Variants in CSMD2 observed in about 807,000 individuals in gnomAD.
The protein encoded by CSMD2 is CUB and sushi domain-containing protein 2.
In CSMD2, 130 loss-of-function variants were observed where a neutral mutation model predicts 398.5. The ratio of observed to expected loss-of-function variants is 0.33; its 90% CI spans 0.28 to 0.38. The LOEUF is 0.38. CSMD2 is among the 10% of genes least tolerant of loss of function. The pLI is 1.00. For missense variants in CSMD2, 3,829 were observed against 4,764.9 expected (o/e 0.80, Z 5.78); for synonymous variants, 1,828 against 1,908.5 (o/e 0.96, Z 1.10).
At chr1:33,816,688 A>C (rs567948807) in intron 9 of CSMD2, among the ~76,000 whole-genome samples, 1 of 152,276 alleles carries the variant, frequency 6.6e-6, no homozygotes, top group African/African-American at 2.4e-5. Context: ...ATTTTCTAGG[A>C]GTCAAATTAG....
intron 5 of CSMD2, among the ~76,000 whole-genome samples, chr1:33,915,103 AT>A (rs1003714831): frequency 8.7e-5 from 13 of 150,136 alleles, no homozygotes; most frequent in East Asian, 3.9e-4. Flanking sequence ...GAGGTAGTGG[AT>A]TTTTTTTTTC....
chr1:33,683,902 C>G (rs1477789802), intron 25 of CSMD2, among the ~76,000 whole-genome samples: 1 of 152,220 alleles, frequency 6.6e-6, no homozygotes, highest in Non-Finnish European at 1.5e-5. Flanking sequence ...GTACACGAAC[C>G]TTCTCTGTTT....
intron 25 of CSMD2, among the ~76,000 whole-genome samples, chr1:33,690,789 T>G (rs781666797): frequency 6.6e-6 from 1 of 152,196 alleles, no homozygotes; most frequent in Non-Finnish European, 1.5e-5. Flanking sequence ...TTGACACTTG[T>G]TGAGCCGGGG....
At chr1:33,693,773 G>A (rs1645322617) in intron 24 of CSMD2, among the ~76,000 whole-genome samples, 1 of 152,138 alleles carries the variant, frequency 6.6e-6, no homozygotes, top group South Asian at 2.1e-4. Flanking sequence ...AAGGAATCAA[G>A]GCGGCCGGGC....
At position 33,908,650 on chromosome 1, in the gene CSMD2, T is replaced by C. The variant is rs572925878; in HGVS notation, c.920+9444A>G. Among the ~76,000 whole-genome samples, 6 of 152,346 alleles carry C rather than the reference T, an allele frequency of 3.9e-5. No individual in the cohort carries two copies. The South Asian group carries it at 1.0e-3, about 26-fold the overall frequency. Reference sequence around the variant, plus strand: ...ACAACACCAGTTCACTTCCTGCTCCTCCCAGCTGTGACTTTTGTTCTCTTT... The same window carrying C: ...ACAACACCAGTTCACTTCCTGCTCCCCCCAGCTGTGACTTTTGTTCTCTTT... On this transcript the variant is annotated intron_variant, in intron 5 of 70. Transcript: ENST00000373381.
At chr1:34,028,817 C>T (rs544724184) in intron 3 of CSMD2, among the ~76,000 whole-genome samples, 11 of 152,334 alleles carry the variant, frequency 7.2e-5, no homozygotes, top group African/African-American at 2.2e-4. Flanking sequence ...CTGCGGCCCA[C>T]GCTCTTGCCC....
intron 2 of CSMD2, among the ~76,000 whole-genome samples, chr1:34,045,538 C>T (rs971155246): frequency 6.6e-6 from 1 of 152,202 alleles, no homozygotes; most frequent in African/African-American, 2.4e-5. Context: ...CTCTGCAAAC[C>T]TCTGCTTTCA....
At position 33,635,935 on chromosome 1, in the gene CSMD2, G is replaced by C. The variant is rs1224862118; in HGVS notation, c.4969+425C>G. ...ATACTCATTCCTATCTCTCTTGTCA[G>C]GACCCCCATGGCTCACCCAGACCCA... is the stretch of plus-strand genomic sequence containing the variant. On this transcript the variant is annotated intron_variant, in intron 30 of 70. Coordinates refer to ENST00000373381, the MANE Select transcript of CSMD2 (RefSeq NM_001281956.2). This position sits in a 1 kb window ranked among gnomAD's most constrained non-coding sequence, Gnocchi z 5.0. Among the ~76,000 whole-genome samples, 3 of 152,088 alleles carry C rather than the reference G, an allele frequency of 2.0e-5. No individual in the cohort carries two copies. The highest frequency in any genetic ancestry group is 2.4e-5 in the African/African-American group (1 of 41,420).
chr1:34,032,895 G>T (rs1416530544), intron 2 of CSMD2, among the ~76,000 whole-genome samples, 189 bp from the exon 3 acceptor site: 1 of 152,328 alleles, frequency 6.6e-6, no homozygotes, highest in South Asian at 2.1e-4. Flanking sequence ...ATGAGGAAGT[G>T]ACTCCGCCAA....
At chr1:33,795,341 T>G (rs1212872663) in intron 10 of CSMD2, among the ~76,000 whole-genome samples, 3 of 152,182 alleles carry the variant, frequency 2.0e-5, no homozygotes, top group Non-Finnish European at 4.4e-5. Flanking sequence ...GGCATCATCA[T>G]GGGATCATTT....
chr1:33,862,998 C>T (rs1639662022), intron 5 of CSMD2: 1 of 152,198 alleles, frequency 6.6e-6, no homozygotes, highest in South Asian at 2.1e-4. Flanking sequence ...GCCCTGGCAA[C>T]AGCTCTGTGC....
intron 5 of CSMD2, among the ~76,000 whole-genome samples, chr1:33,856,640 T>A (rs1179072252): frequency 6.6e-6 from 1 of 152,092 alleles, no homozygotes; most frequent in Admixed American, 6.6e-5. Context: ...ATCATGTATG[T>A]CCCTTCCCCT....
At chr1:34,105,483 C>T (rs1386715382) in intron 1 of CSMD2, among the ~76,000 whole-genome samples, 20 of 152,160 alleles carry the variant, frequency 1.3e-4, no homozygotes, top group Non-Finnish European at 2.2e-4. Flanking sequence ...GGAAGCTAAC[C>T]TTCTGCCGTT....
chr1:33,520,521 C>T (rs987330661), intron 68 of CSMD2, among the ~76,000 whole-genome samples: 1 of 152,154 alleles, frequency 6.6e-6, no homozygotes, highest in African/African-American at 2.4e-5. Context: ...GCTGTGGAGC[C>T]AGAACAAAAA....
At chr1:34,019,077 A>T (rs1648531785) in intron 3 of CSMD2, among the ~76,000 whole-genome samples, 1 of 152,190 alleles carries the variant, frequency 6.6e-6, no homozygotes, top group Non-Finnish European at 1.5e-5. Context: ...TCAGTGCCTC[A>T]TCTGTAAAAT....
chr1:33,701,303 G>T (rs1379541848), intron 22 of CSMD2, among the ~76,000 whole-genome samples: 1 of 152,168 alleles, frequency 6.6e-6, no homozygotes, highest in Non-Finnish European at 1.5e-5. Context: ...GCTTGCCAAG[G>T]GTGGAATCGT....
intron 1 of CSMD2, among the ~76,000 whole-genome samples, chr1:34,108,381 C>A (rs1660729538): frequency 6.6e-6 from 1 of 152,158 alleles, no homozygotes; most frequent in Non-Finnish European, 1.5e-5. Context: ...ATGGTCAAGT[C>A]CCTTAGTCAC....
Position 33,600,388 on chromosome 1 carries a change from GC to G in CSMD2, c.6856+476del, listed in dbSNP as rs1283029003. 3 of 577,596 alleles carry G rather than the reference GC, an allele frequency of 5.2e-6. 1 individual carries two copies. The highest frequency in any genetic ancestry group is 6.1e-6 in the Non-Finnish European group (2 of 326,682). The allele number at this position is 577,596 out of a possible 1,614,324, so 35.8% of individuals were successfully genotyped here. ...TGGGACTTGTAGAAGAAAACAGGCT[GC>G]CAATAAAGGCATACCTACTCTGAAT... On this transcript the variant is annotated intron_variant, in intron 44 of 70. Coordinates refer to ENST00000373381, the MANE Select transcript of CSMD2 (RefSeq NM_001281956.2).
At chr1:34,115,961 A>T (rs1661561783) in intron 1 of CSMD2, among the ~76,000 whole-genome samples, 1 of 152,008 alleles carries the variant, frequency 6.6e-6, no homozygotes, top group South Asian at 2.1e-4. Flanking sequence ...AGATGCACCA[A>T]AGAATATAAG....
Sources: gnomAD v4.1 joint callset for allele counts (sites outside exome capture counted in the v4.1 genomes callset) on GRCh38, gnomAD v4.1.1 for gene constraint, Gnocchi (gnomAD v3.1) non-coding constraint, MANE v1.5 for transcripts, NCBI Gene and HGNC (gene_info 2026-07-23, HGNC 2026-07-21) for gene names.